Variants in CYP2C19 observed in about 807,000 individuals in gnomAD.
The protein encoded by CYP2C19 is cytochrome P450 2C19.
A neutral mutation model predicts 40.9 loss-of-function variants in CYP2C19; 59 were observed. The ratio of observed to expected loss-of-function variants is 1.44; its 90% confidence interval spans 1.17 to 1.79. The LOEUF (loss-of-function observed/expected upper bound fraction) is 1.79. Ranked by LOEUF, CYP2C19 falls within the 40% of genes most tolerant of loss-of-function variation. CYP2C19 has a pLI of 0.00. For synonymous variants in CYP2C19, 253 were observed against 208.7 expected, an observed-to-expected ratio of 1.21 and a Z score of -1.83; for missense variants, 754 against 596.9, an observed-to-expected ratio of 1.26 and a Z score of -2.74.
intron 6 of CYP2C19, among the ~76,000 whole-genome samples, chr10:94,828,783 A>T (rs1262037356): frequency 6.6e-6 from 1 of 151,990 alleles, no homozygotes; most frequent in East Asian, 1.9e-4. Flanking sequence ...TTTTGGCATG[A>T]TTTTGCAGCG....
chr10:94,789,564 G>A (rs1848581376), intron 5 of CYP2C19, among the ~76,000 whole-genome samples: 1 of 151,970 alleles, frequency 6.6e-6, no homozygotes, highest in East Asian at 1.9e-4. Context: ...TCTCCATATG[G>A]TTAGCCAGTT....
At chr10:94,805,765 C>A (rs577493067) in intron 5 of CYP2C19, among the ~76,000 whole-genome samples, 1 of 152,264 alleles carries the variant, frequency 6.6e-6, no homozygotes, top group East Asian at 1.9e-4. Context: ...ATAATTTCCT[C>A]AACTATGCAA....
At chr10:94,797,598 G>T (rs1332069985) in intron 5 of CYP2C19, among the ~76,000 whole-genome samples, 1 of 152,054 alleles carries the variant, frequency 6.6e-6, no homozygotes, top group Admixed American at 6.6e-5. Context: ...GTAGAATTTA[G>T]CTGTGAATCC....
intron 6 of CYP2C19, among the ~76,000 whole-genome samples, chr10:94,837,108 G>A (rs1419339817): frequency 2.6e-5 from 4 of 152,156 alleles, no homozygotes; most frequent in Admixed American, 2.6e-4. Flanking sequence ...ATTTGGGAAA[G>A]CAGAGTATAA....
intron 5 of CYP2C19, among the ~76,000 whole-genome samples, chr10:94,790,349 C>A (rs948820381): frequency 6.6e-6 from 1 of 152,064 alleles, no homozygotes; most frequent in Non-Finnish European, 1.5e-5. Flanking sequence ...CTTTCTCTTG[C>A]CTGATTGCCC....
At chr10:94,793,708 C>T (rs1417080205) in intron 5 of CYP2C19, among the ~76,000 whole-genome samples, 1 of 152,024 alleles carries the variant, frequency 6.6e-6, no homozygotes, top group East Asian at 1.9e-4. Flanking sequence ...GCTGCCTGAT[C>T]CTTCCTCTGG....
intron 5 of CYP2C19, among the ~76,000 whole-genome samples, chr10:94,802,269 A>G (rs1354510546): frequency 6.6e-6 from 1 of 152,150 alleles, no homozygotes; most frequent in Non-Finnish European, 1.5e-5. Context: ...GTAAAACAGA[A>G]AAGTTTTCCA....
chr10:94,800,485 C>A (rs569959767), intron 5 of CYP2C19, among the ~76,000 whole-genome samples: 1 of 152,204 alleles, frequency 6.6e-6, no homozygotes. Flanking sequence ...GGTTCAGGTA[C>A]CCACTTGAGG....
At position 94,853,047 on chromosome 10, in the gene CYP2C19, A is replaced by G; in HGVS notation, c.*133A>G. ...TCCCTTCCCCCAAGATCTAGTGAAC[A>G]TTCAGCCTCCATTAAAAAAGTTTCA... is the stretch of plus-strand genomic sequence containing the variant. On this transcript the variant is annotated 3_prime_UTR_variant, in exon 9 of 9. Coordinates refer to ENST00000371321, the MANE Select transcript of CYP2C19 (RefSeq NM_000769.4). The G allele has an allele frequency of 2.1e-6, 2 of 950,802 alleles. No homozygotes were observed. Among genetic ancestry groups the G allele is most frequent in the African/African-American group, 1.6e-5 (1 of 60,764 alleles). 58.9% of individuals were successfully genotyped at this position (950,802 alleles called of 1,614,324 possible).
Position 94,795,942 on chromosome 10 carries a change from G to C in CYP2C19, c.819+13945G>C, listed in dbSNP as rs182861936. 6.3e-3 allele frequency among the ~76,000 whole-genome samples: 951 copies of C among 152,154 alleles called. 6 individuals are homozygous for C. Among genetic ancestry groups the C allele is most frequent in the Non-Finnish European group, 0.011 (727 of 67,996 alleles). On this transcript the variant is annotated intron_variant, in intron 5 of 8. Coordinates refer to ENST00000371321, the MANE Select transcript of CYP2C19 (RefSeq NM_000769.4). ...GATTGCAAAAATTTTCTCCCATTCTGTAGGTTGCCTATTCACTCTGATGGT... is the reference window on the plus strand; with the variant it reads ...GATTGCAAAAATTTTCTCCCATTCTCTAGGTTGCCTATTCACTCTGATGGT...
chr10:94,835,604 A>C (rs1374934071), intron 6 of CYP2C19, among the ~76,000 whole-genome samples: 1 of 151,634 alleles, frequency 6.6e-6, no homozygotes, highest in Non-Finnish European at 1.5e-5. Flanking sequence ...CTTTCTGATG[A>C]CCCCAGCAGT....
Position 94,775,434 on chromosome 10 carries a change from T to C in CYP2C19, c.376T>C (p.Phe126Leu). ...AAAGAGATGGAAGGAGATCCGGCGT[T>C]TCTCCCTCATGACGCTGCGGAATTT... ...NGKRWKEIRR[F>L]SLMTLRNFGM... Residue 126 changes from phenylalanine (F) to leucine (L), a missense_variant, in exon 3 of 9, where the codon TTC (phenylalanine) becomes CTC (leucine). Phe to Leu is a conservative substitution (Grantham distance 22). Transcript: ENST00000371321. The C allele has an allele frequency of 1.2e-6, 2 of 1,614,118 alleles. No homozygotes were observed. Among genetic ancestry groups the C allele is most frequent in the Non-Finnish European group, 8.5e-7 (1 of 1,180,014 alleles).
intron 5 of CYP2C19, among the ~76,000 whole-genome samples, chr10:94,807,870 C>A (rs1848857985): frequency 6.6e-6 from 1 of 151,980 alleles, no homozygotes; most frequent in African/African-American, 2.4e-5. Context: ...GTTTTCTTTG[C>A]CCTGCAGAAG....
At chr10:94,831,104 C>T (rs1044086070) in intron 6 of CYP2C19, among the ~76,000 whole-genome samples, 1 of 152,100 alleles carries the variant, frequency 6.6e-6, no homozygotes, top group Non-Finnish European at 1.5e-5. Context: ...TTTTAGATCC[C>T]ACAAATAAGT....
chr10:94,769,671 C>T (rs1001192178), intron 1 of CYP2C19, among the ~76,000 whole-genome samples: 7 of 152,102 alleles, frequency 4.6e-5, no homozygotes, highest in Admixed American at 6.5e-5. Context: ...AGTTTTTAAA[C>T]GTTTAACAAT....
intron 1 of CYP2C19, chr10:94,774,514 C>G (rs1483934430): frequency 1.2e-5 from 2 of 160,324 alleles, no homozygotes; most frequent in East Asian, 3.7e-4. Flanking sequence ...ATCGGGACCT[C>G]TACATGGGCT....
intron 7 of CYP2C19, 109 bp from the exon 8 acceptor site, chr10:94,849,808 T>C: frequency 7.5e-7 from 1 of 1,324,790 alleles, no homozygotes; most frequent in East Asian, 2.3e-5. Flanking sequence ...TTCTTTGGAA[T>C]GGTGTTTCAT....
At chr10:94,838,230 G>T (rs190405186) in intron 6 of CYP2C19, among the ~76,000 whole-genome samples, 1 of 152,172 alleles carries the variant, frequency 6.6e-6, no homozygotes, top group East Asian at 1.9e-4. Context: ...TCCCAGTGAG[G>T]GTCTACACTG....
chr10:94,797,918 T>G (rs1049792526), intron 5 of CYP2C19, among the ~76,000 whole-genome samples: 22 of 152,134 alleles, frequency 1.4e-4, no homozygotes, highest in African/African-American at 3.9e-4. Flanking sequence ...TCTATCAGTT[T>G]TGTTGATCTT....
Sources: allele counts gnomAD v4.1 joint callset (sites outside exome capture counted in the v4.1 genomes callset), GRCh38; gene constraint gnomAD v4.1.1; transcripts MANE v1.5; gene names NCBI Gene and HGNC (gene_info 2026-07-23, HGNC 2026-07-21).